Variants in RGS22 observed in about 807,000 individuals in gnomAD.
RGS22 encodes the protein regulator of G-protein signaling 22.
RGS22 carries 148 observed loss-of-function variants against 172.9 expected under a neutral mutation model. The observed-to-expected ratio is 0.86, with a 90% CI of 0.75 to 0.98. RGS22 has a LOEUF of 0.98. Ranked by LOEUF, RGS22 falls within the 50% of genes least tolerant of loss-of-function variation. RGS22 has a pLI of 0.00. For synonymous variants in RGS22, 458 were observed against 480.2 expected (o/e 0.95, Z 0.60); for missense variants, 1,347 against 1,440.8 (o/e 0.93, Z 1.05).
At chr8:100,019,225 A>G (rs1817343634) in intron 14 of RGS22, among the ~76,000 whole-genome samples, 1 of 152,372 alleles carries the variant, frequency 6.6e-6, no homozygotes, top group Non-Finnish European at 1.5e-5. Flanking sequence ...CGTTCCAATG[A>G]AAACAAGAAC....
chr8:99,970,309 C>G lies in RGS22; in HGVS notation c.3520-4879G>C, dbSNP rs1811198756. 2.0e-5 allele frequency among the ~76,000 whole-genome samples: 3 copies of G among 152,024 alleles called. No homozygotes were observed. The South Asian group carries it at 6.2e-4, about 32-fold the overall frequency. On this transcript the variant is annotated intron_variant, in intron 23 of 27. Transcript: ENST00000360863. ...AGATCTAAAATTGATACCCTAACAT[C>G]ACAATTAAAAGAACTAGAGAAGAAA...
rs765206931 is a variant in RGS22, at chr8:100,052,789, A to G, written c.1689+13T>C. ...AAACTTAGTAGAGATCACAGCATGAATGTACACCCTACCTGGATCTCAGGT... is the reference window on the plus strand; with the variant it reads ...AAACTTAGTAGAGATCACAGCATGAGTGTACACCCTACCTGGATCTCAGGT... On this transcript the variant is annotated intron_variant, in intron 10 of 27. Coordinates refer to ENST00000360863, the MANE Select transcript of RGS22 (RefSeq NM_015668.5). 6.2e-7 allele frequency: 1 copy of G among 1,611,898 alleles called. No individual in the cohort carries two copies. The highest frequency in any genetic ancestry group is 8.5e-7 in the Non-Finnish European group (1 of 1,178,174).
At position 100,063,856 on chromosome 8, in the gene RGS22, G is replaced by A; in HGVS notation, c.912C>T (p.Ser304=). The A allele has an allele frequency of 2.5e-6, 4 of 1,611,572 alleles. No homozygotes were observed. Among genetic ancestry groups the A allele is most frequent in the Non-Finnish European group, 3.4e-6 (4 of 1,179,152 alleles). Residue 304 remains serine, a synonymous_variant, in exon 8 of 28, where the codon AGC becomes AGT. Transcript: ENST00000360863. ...CACATGTTGAGAAATGCATTGTCAGGCTTTCATCAACATCCTGTTTCTTTT... is the reference window on the plus strand; with the variant it reads ...CACATGTTGAGAAATGCATTGTCAGACTTTCATCAACATCCTGTTTCTTTT... ...YLEKKQDVDE[S]LTMHFSTCEE...
At chr8:100,061,063 G>A (rs187309678) in intron 9 of RGS22, among the ~76,000 whole-genome samples, 69 of 152,158 alleles carry the variant, frequency 4.5e-4, no homozygotes, top group Admixed American at 3.9e-4. Flanking sequence ...CAAGCAATGG[G>A]GAAAGAATTC....
chr8:100,073,605 A>G (rs1811141774), intron 4 of RGS22, among the ~76,000 whole-genome samples: 1 of 152,076 alleles, frequency 6.6e-6, no homozygotes, highest in South Asian at 2.1e-4. Context: ...AGTTAGAAAG[A>G]CTCTGCATAG....
chr8:99,968,444 G>A (rs1286315010), intron 23 of RGS22, among the ~76,000 whole-genome samples: 3 of 152,048 alleles, frequency 2.0e-5, no homozygotes, highest in South Asian at 4.1e-4. Flanking sequence ...CTGAGCTAAA[G>A]GAGGATCTTC....
intron 2 of RGS22, among the ~76,000 whole-genome samples, chr8:100,096,994 G>C (rs906479268): frequency 1.3e-5 from 2 of 152,174 alleles, no homozygotes; most frequent in African/African-American, 4.8e-5. Flanking sequence ...TGAATCAGAA[G>C]AGACTCAAGT....
intron 17 of RGS22, chr8:100,002,868 T>C (rs1392159540): frequency 6.4e-6 from 1 of 155,300 alleles, no homozygotes; most frequent in East Asian, 1.9e-4. Context: ...GAGACCAGCC[T>C]GGCCAACATG....
At chr8:100,071,232 G>C in intron 6 of RGS22, 137 bp downstream of exon 6, 1 of 670,222 alleles carries the variant, frequency 1.5e-6, no homozygotes, top group Non-Finnish European at 2.2e-6. Context: ...AGGCTGCAGT[G>C]AGCCATGATC....
chr8:100,060,421 T>TATATATATATATATATATATAC (rs1245783464), intron 9 of RGS22, among the ~76,000 whole-genome samples: 172 of 119,394 alleles, frequency 1.4e-3, no homozygotes, highest in South Asian at 4.9e-3. Flanking sequence ...TATATATATA[T>TATATATATATATATATATATAC]ACACACACAC....
intron 10 of RGS22, among the ~76,000 whole-genome samples, chr8:100,052,222 CAT>C (rs1215872746): frequency 3.4e-5 from 3 of 87,772 alleles, no homozygotes; most frequent in African/African-American, 5.9e-5. Context: ...TAAATATACA[CAT>C]ATATATGTAT....
rs145350525 is a variant in RGS22, at chr8:100,012,751, A to G, written c.2167-4182T>C. 1.8e-3 allele frequency among the ~76,000 whole-genome samples: 270 copies of G among 152,316 alleles called. 1 individual carries two copies. Among genetic ancestry groups the G allele is most frequent in the African/African-American group, 5.9e-3 (244 of 41,566 alleles). ...GTAGGATTTGCTCCAATAATTCCAAATTCACTTCAAGGAAAAGAAAATTTA... is the reference window on the plus strand; with the variant it reads ...GTAGGATTTGCTCCAATAATTCCAAGTTCACTTCAAGGAAAAGAAAATTTA... On this transcript the variant is annotated intron_variant, in intron 14 of 27. Coordinates refer to ENST00000360863, the MANE Select transcript of RGS22 (RefSeq NM_015668.5).
intron 17 of RGS22, 64 bp downstream of exon 17, chr8:100,003,862 T>C: frequency 7.4e-7 from 1 of 1,355,704 alleles, no homozygotes; most frequent in Non-Finnish European, 9.9e-7. Context: ...TTATAATATG[T>C]TGAATCAAAA....
At chr8:100,054,927 A>G (rs1215823395) in intron 9 of RGS22, among the ~76,000 whole-genome samples, 1 of 152,184 alleles carries the variant, frequency 6.6e-6, no homozygotes, top group Non-Finnish European at 1.5e-5. Context: ...ACCTTTGGAA[A>G]GTGGAAGGAA....
At chr8:100,051,905 TTATATATTTATATATAAATGTTTA>T (rs1356299855) in intron 10 of RGS22, among the ~76,000 whole-genome samples, 18 of 39,356 alleles carry the variant, frequency 4.6e-4, no homozygotes, top group African/African-American at 1.2e-3. Flanking sequence ...GTTTATATAT[TTATATATTTATATATAAATGTTTA>T]TATATATTTA....
chr8:100,054,115 T>C (rs891083831), intron 9 of RGS22, among the ~76,000 whole-genome samples: 1 of 152,188 alleles, frequency 6.6e-6, no homozygotes, highest in African/African-American at 2.4e-5. Context: ...AAGGCCACAC[T>C]TAATTGGATA....
intron 9 of RGS22, among the ~76,000 whole-genome samples, chr8:100,053,561 T>C (rs1484386433): frequency 2.0e-5 from 3 of 152,250 alleles, no homozygotes; most frequent in Non-Finnish European, 2.9e-5. Context: ...ATATAAAATG[T>C]ACTTGGGATA....
intron 4 of RGS22, among the ~76,000 whole-genome samples, chr8:100,078,991 A>T (rs1033109196): frequency 1.3e-5 from 2 of 152,258 alleles, no homozygotes; most frequent in Non-Finnish European, 2.9e-5. Flanking sequence ...TATAATAGAC[A>T]TGCTTAATTA....
At chr8:100,083,830 CTTTTTT>C (rs59603032) in intron 3 of RGS22, among the ~76,000 whole-genome samples, 7 of 126,056 alleles carry the variant, frequency 5.6e-5, no homozygotes, top group Non-Finnish European at 1.1e-4. Context: ...AATTTCTTTT[CTTTTTT>C]TTTTTTTTTT....
Sources: gnomAD v4.1 joint callset for allele counts (sites outside exome capture counted in the v4.1 genomes callset) on GRCh38, gnomAD v4.1.1 for gene constraint, MANE v1.5 for transcripts, NCBI Gene and HGNC (gene_info 2026-07-23, HGNC 2026-07-21) for gene names.